SLC2A1: variants seen among roughly 807,000 people sequenced by gnomAD.
The protein encoded by SLC2A1 is solute carrier family 2 member 1, also known as solute carrier family 2, facilitated glucose transporter member 1.
A neutral mutation model predicts 46.6 loss-of-function variants in SLC2A1; 4 were observed. The observed-to-expected ratio is 0.09, with a 90% CI of 0.04 to 0.20. SLC2A1 has a LOEUF of 0.20. Ranked by LOEUF, SLC2A1 falls within the 10% of genes least tolerant of loss-of-function variation. The pLI is 1.00. For missense variants in SLC2A1, 352 were observed against 667.0 expected, an observed-to-expected ratio of 0.53 and a Z score of 5.20; for synonymous variants, 253 against 270.0, an observed-to-expected ratio of 0.94 and a Z score of 0.62.
At chr1:42,946,246 G>A (rs1643654439) in intron 1 of SLC2A1, among the ~76,000 whole-genome samples, 1 of 152,172 alleles carries the variant, frequency 6.6e-6, no homozygotes, top group African/African-American at 2.4e-5. Flanking sequence ...GGTCAAACTC[G>A]ACTTTAGAAA....
At position 42,935,583 on chromosome 1, in the gene SLC2A1, G is replaced by A. The variant is rs534378234; in HGVS notation, c.115-4377C>T. On this transcript the variant is annotated intron_variant, in intron 2 of 9. Transcript: ENST00000426263. The stretch of plus-strand genomic sequence containing the variant: ...AAGGTTTTCCATTTTGAAATTGCCA[G>A]AAATCATTACCCTAAGAATGTAAGA... 6.8e-4 allele frequency among the ~76,000 whole-genome samples: 103 copies of A among 152,328 alleles called. 1 individual carries two copies. Among genetic ancestry groups the A allele is most frequent in the Non-Finnish European group, 1.2e-3 (80 of 68,034 alleles).
intron 1 of SLC2A1, 151 bp from the exon 2 acceptor site, chr1:42,943,472 G>A (rs1643619084): frequency 1.4e-6 from 1 of 715,876 alleles, no homozygotes; most frequent in Non-Finnish European, 2.5e-6. Flanking sequence ...GCCAATTCCT[G>A]ACCTTAGGTG....
chr1:42,953,902 G>A (rs1003133176), intron 1 of SLC2A1, among the ~76,000 whole-genome samples: 1 of 152,186 alleles, frequency 6.6e-6, no homozygotes, highest in Non-Finnish European at 1.5e-5. Context: ...GCCTTACAAA[G>A]GGTCTTTCCA....
chr1:42,929,175 G>T lies in SLC2A1; in HGVS notation c.972+35C>A, dbSNP rs983961955. Reference sequence around the variant, plus strand: ...GAAGATGGCACTGCCTCCTCCCTGGGGTTTGGCTGGGGGGGCCAGTAAGCA... The same window carrying T: ...GAAGATGGCACTGCCTCCTCCCTGGTGTTTGGCTGGGGGGGCCAGTAAGCA... On this transcript the variant is annotated intron_variant, in intron 7 of 9. Coordinates refer to ENST00000426263, the MANE Select transcript of SLC2A1 (RefSeq NM_006516.4). The surrounding 1 kb of genome is among the most constrained non-coding windows in gnomAD (Gnocchi z 6.0). The T allele has an allele frequency of 1.3e-6, 2 of 1,586,992 alleles. No homozygotes were observed. The highest frequency in any genetic ancestry group is 1.7e-6 in the Non-Finnish European group (2 of 1,155,462).
intron 1 of SLC2A1, among the ~76,000 whole-genome samples, chr1:42,947,437 T>C (rs1643667449): frequency 6.6e-6 from 1 of 152,016 alleles, no homozygotes; most frequent in South Asian, 2.1e-4. Flanking sequence ...GGGAACTCCT[T>C]AAGAATAGAA....
chr1:42,944,047 G>A (rs565393778), intron 1 of SLC2A1, among the ~76,000 whole-genome samples: 18 of 152,282 alleles, frequency 1.2e-4, no homozygotes, highest in African/African-American at 4.3e-4. Flanking sequence ...TGCTCCTCAC[G>A]GCAATAATCC....
At chr1:42,931,791 ACTT>A (rs1273364358) in intron 2 of SLC2A1, among the ~76,000 whole-genome samples, 2 of 144,648 alleles carry the variant, frequency 1.4e-5, no homozygotes, top group African/African-American at 5.1e-5. Flanking sequence ...GTGCCACTGC[ACTT>A]CAGCCTGAGT....
chr1:42,950,848 G>A (rs570787944), intron 1 of SLC2A1, among the ~76,000 whole-genome samples: 30 of 152,184 alleles, frequency 2.0e-4, no homozygotes, highest in African/African-American at 5.1e-4. Flanking sequence ...GGGGGCGCGC[G>A]CCTGTAATCC....
In SLC2A1 at chr1:42,942,831, G is replaced by A. The variant is rs1321409023; in HGVS notation, c.114+395C>T. On this transcript the variant is annotated intron_variant, in intron 2 of 9. Transcript: ENST00000426263. ...GTGCCTGCTGCCTCCTGACAGTGCT[G>A]CAGTGAGCATCAAGTGAGACAAGCC... 2.8e-5 allele frequency: 9 copies of A among 323,240 alleles called. 1 individual carries two copies. Among genetic ancestry groups the A allele is most frequent in the South Asian group, 1.5e-4 (6 of 38,872 alleles). 20.0% of individuals were successfully genotyped at this position (323,240 alleles called of 1,614,324 possible).
In SLC2A1 at chr1:42,926,627, T is replaced by G; in HGVS notation, c.*414A>C. ...GGATAGAAGCTTTGTAGTTCATAGTTCGATTAGTGTGTCCTTAGGACATAG... is the reference window on the plus strand; with the variant it reads ...GGATAGAAGCTTTGTAGTTCATAGTGCGATTAGTGTGTCCTTAGGACATAG... On this transcript the variant is annotated 3_prime_UTR_variant, in exon 10 of 10. Transcript: ENST00000426263. The G allele has an allele frequency of 9.0e-7, 1 of 1,111,986 alleles. No individual in the cohort carries two copies. The highest frequency in any genetic ancestry group is 2.7e-5 in the Admixed American group (1 of 36,742). 68.9% of individuals were successfully genotyped at this position (1,111,986 alleles called of 1,614,324 possible). A position where few individuals can be genotyped will look rare whatever the true frequency, so the allele number is the denominator to read the frequency against.
chr1:42,947,628 A>G (rs1423029387), intron 1 of SLC2A1, among the ~76,000 whole-genome samples: 2 of 149,240 alleles, frequency 1.3e-5, no homozygotes, highest in African/African-American at 2.5e-5. Flanking sequence ...GGTGGCACAC[A>G]TCTGTATCAC....
chr1:42,927,574 G>C lies in SLC2A1; in HGVS notation c.1278+31C>G, dbSNP rs754081515. On this transcript the variant is annotated intron_variant, in intron 9 of 9. Coordinates refer to ENST00000426263, the MANE Select transcript of SLC2A1 (RefSeq NM_006516.4). This position sits in a 1 kb window ranked among gnomAD's most constrained non-coding sequence, Gnocchi z 5.3. ...CACAGCACTGTGGGGTCATGCGTGC[G>C]GGTGAGTATAGAGACAGTGGGGGTT... The C allele has an allele frequency of 5.7e-6, 9 of 1,570,670 alleles. No individual in the cohort carries two copies. The highest frequency in any genetic ancestry group is 7.9e-6 in the Non-Finnish European group (9 of 1,142,730).
chr1:42,958,568 G>A (rs1244435436), intron 1 of SLC2A1, 66 bp downstream of exon 1: 2 of 1,398,900 alleles, frequency 1.4e-6, no homozygotes, highest in Non-Finnish European at 1.9e-6. Flanking sequence ...GGCCCTGGCC[G>A]GCGTAAGGCG....
At position 42,930,547 on chromosome 1, in the gene SLC2A1, C is replaced by T. The variant is rs146654886; in HGVS notation, c.516+79G>A. 84 of 1,588,218 alleles carry T rather than the reference C, an allele frequency of 5.3e-5. No homozygotes were observed. In the African/African-American group the frequency reaches 1.0e-3, roughly 20 times the overall value. On this transcript the variant is annotated intron_variant, in intron 4 of 9. Transcript: ENST00000426263. The surrounding 1 kb of genome is among the most constrained non-coding windows in gnomAD (Gnocchi z 6.2). ...GGGCTGGGCGGAAGAGAAACTCTGC[C>T]CTGCTGGGCACAGATCCGAGAGCCA...
At chr1:42,946,224 T>A (rs1000570022) in intron 1 of SLC2A1, among the ~76,000 whole-genome samples, 8 of 152,178 alleles carry the variant, frequency 5.3e-5, no homozygotes, top group African/African-American at 1.9e-4. Context: ...GACCTTGTCA[T>A]CAGCAGGTCG....
chr1:42,934,051 A>C (rs1460947799), intron 2 of SLC2A1, among the ~76,000 whole-genome samples: 1 of 152,230 alleles, frequency 6.6e-6, no homozygotes. Flanking sequence ...ATTTGTTTGA[A>C]TTGTATACAA....
intron 2 of SLC2A1, among the ~76,000 whole-genome samples, chr1:42,934,177 G>C (rs1439103379): frequency 6.6e-6 from 1 of 152,218 alleles, no homozygotes; most frequent in South Asian, 2.1e-4. Context: ...TGTGACCAGA[G>C]CTCCACCCTG....
chr1:42,929,844 T>C lies in SLC2A1; in HGVS notation c.679+29A>G. The stretch of plus-strand genomic sequence containing the variant: ...GGGAAGAAGGCCAGGGCTCAGGGAG[T>C]GGGGAGGAGGGCAGGGCCATGCCCG... On this transcript the variant is annotated intron_variant, in intron 5 of 9. Transcript: ENST00000426263. The surrounding 1 kb of genome is among the most constrained non-coding windows in gnomAD (Gnocchi z 6.0). 6.2e-7 allele frequency: 1 copy of C among 1,612,654 alleles called. No individual in the cohort carries two copies. Among genetic ancestry groups the C allele is most frequent in the Non-Finnish European group, 8.5e-7 (1 of 1,179,606 alleles).
intron 2 of SLC2A1, among the ~76,000 whole-genome samples, chr1:42,937,064 A>G (rs1643549018): frequency 6.6e-6 from 1 of 152,210 alleles, no homozygotes; most frequent in African/African-American, 2.4e-5. Flanking sequence ...ACACCAGCAG[A>G]AACATCACAG....
Sources: allele counts gnomAD v4.1 joint callset (sites outside exome capture counted in the v4.1 genomes callset), GRCh38; gene constraint gnomAD v4.1.1; non-coding constraint Gnocchi (gnomAD v3.1); transcripts MANE v1.5; gene names NCBI Gene and HGNC (gene_info 2026-07-23, HGNC 2026-07-21).